ZNF556: variants seen among roughly 807,000 people sequenced by gnomAD.
ZNF556 encodes zinc finger protein 556.
A neutral mutation model predicts 13.6 loss-of-function variants in ZNF556; 11 were observed. The ratio of observed to expected loss-of-function variants is 0.81; its 90% CI spans 0.51 to 1.33. The LOEUF is 1.33. ZNF556 is among the 40% of genes most tolerant of loss of function. ZNF556 has a pLI of 0.00. For missense variants in ZNF556, 633 were observed against 566.2 expected, an observed-to-expected ratio of 1.12 and a Z score of -1.20; for synonymous variants, 229 against 207.8, an observed-to-expected ratio of 1.10 and a Z score of -0.88.
At chr19:2,874,693 G>C (rs1036302460) in intron 2 of ZNF556, among the ~76,000 whole-genome samples, 2 of 140,192 alleles carry the variant, frequency 1.4e-5, no homozygotes, top group Admixed American at 1.5e-4. Flanking sequence ...GCAGTGAGTC[G>C]AGATTGTATC....
At position 2,879,783 on chromosome 19, in the gene ZNF556, C is replaced by G. The variant is rs1284664676; in HGVS notation, c.*1454C>G. ...CGGTGACTCACGCCTGTAATCCCAG[C>G]ACTTTGGGAGGCTGAGGTGGGCGGA... On this transcript the variant is annotated 3_prime_UTR_variant, in exon 4 of 4. Transcript: ENST00000307635. 1.3e-5 allele frequency: 2 copies of G among 152,032 alleles called. No homozygotes were observed. Among genetic ancestry groups the G allele is most frequent in the African/African-American group, 4.8e-5 (2 of 41,364 alleles). 9.4% of individuals were successfully genotyped at this position (152,032 alleles called of 1,614,324 possible).
Position 2,880,834 on chromosome 19 carries a change from T to C in ZNF556, c.*2505T>C, listed in dbSNP as rs1482913864. On this transcript the variant is annotated 3_prime_UTR_variant, in exon 4 of 4. Transcript: ENST00000307635. ...ATTTAGACATTTTCTTTCTAGTACATTTGTTTCCTATACTGTTATAATTTT... is the reference window on the plus strand; with the variant it reads ...ATTTAGACATTTTCTTTCTAGTACACTTGTTTCCTATACTGTTATAATTTT... The C allele has an allele frequency of 6.6e-6, 1 of 152,044 alleles. No homozygotes were observed. Among genetic ancestry groups the C allele is most frequent in the Non-Finnish European group, 1.5e-5 (1 of 68,010 alleles). The allele number at this position is 152,044 out of a possible 1,614,324, so 9.4% of individuals were successfully genotyped here.
At position 2,878,255 on chromosome 19, in the gene ZNF556, G is replaced by C. The variant is rs1167330863; in HGVS notation, c.1297G>C (p.Ala433Pro). The C allele has an allele frequency of 1.8e-5, 29 of 1,614,094 alleles. No individual in the cohort carries two copies. The highest frequency in any genetic ancestry group is 3.3e-5 in the Admixed American group (2 of 60,004). Reference protein sequence around the residue: ...KPSKCEKCGKAFSCPKAFQGH... With the variant: ...KPSKCEKCGKPFSCPKAFQGH... ...CAGTAAATGCGAAAAATGTGGGAAA[G>C]CTTTCAGTTGTCCCAAAGCCTTTCA... The change falls in exon 4 of 4, where the codon GCT becomes CCT. Residue 433 changes from alanine (A) to proline (P), a missense_variant. Coordinates refer to ENST00000307635, the MANE Select transcript of ZNF556 (RefSeq NM_024967.3).
chr19:2,868,402 T>C (rs566893993), intron 1 of ZNF556, among the ~76,000 whole-genome samples: 1 of 152,338 alleles, frequency 6.6e-6, no homozygotes, highest in East Asian at 1.9e-4. Context: ...ATGATAATTC[T>C]GTTCTTTTAT....
At chr19:2,874,647 G>C (rs188730172) in intron 2 of ZNF556, among the ~76,000 whole-genome samples, 7 of 151,160 alleles carry the variant, frequency 4.6e-5, no homozygotes, top group African/African-American at 1.7e-4. Context: ...GGGAGGCTGA[G>C]GCAGCAGAAT....
chr19:2,874,118 A>G (rs915354840), intron 2 of ZNF556, among the ~76,000 whole-genome samples: 16 of 150,746 alleles, frequency 1.1e-4, no homozygotes, highest in Non-Finnish European at 1.6e-4. Flanking sequence ...TTAGCTGGGC[A>G]TGGTGGTGCG....
intron 2 of ZNF556, among the ~76,000 whole-genome samples, chr19:2,874,780 AAAAG>A (rs1568353439): frequency 6.6e-6 from 1 of 150,516 alleles, no homozygotes; most frequent in Non-Finnish European, 1.5e-5. Context: ...GAAAGAAAGA[AAAAG>A]AAAAGACTTA....
chr19:2,872,823 A>C (rs372876427), intron 1 of ZNF556, among the ~76,000 whole-genome samples: 2 of 151,132 alleles, frequency 1.3e-5, no homozygotes, highest in South Asian at 2.1e-4. Flanking sequence ...CATCTCAAAA[A>C]AAAAAAAAAA....
At position 2,881,257 on chromosome 19, in the gene ZNF556, G is replaced by T. The variant is rs1187851570; in HGVS notation, c.*2928G>T. 1 of 152,172 alleles carries T rather than the reference G, an allele frequency of 6.6e-6. No homozygotes were observed. Among genetic ancestry groups the T allele is most frequent in the Non-Finnish European group, 1.5e-5 (1 of 68,024 alleles). 9.4% of individuals were successfully genotyped at this position (152,172 alleles called of 1,614,324 possible). On this transcript the variant is annotated 3_prime_UTR_variant, in exon 4 of 4. Coordinates refer to ENST00000307635, the MANE Select transcript of ZNF556 (RefSeq NM_024967.3). ...ATAAGTCTAGCAAAAGACATAAAAA[G>T]ATAACTAATAAAACAAGTTTAAACT...
In ZNF556 at chr19:2,878,025, G is replaced by A. The variant is rs746710684; in HGVS notation, c.1067G>A (p.Arg356His). The A allele has an allele frequency of 6.7e-5, 108 of 1,613,874 alleles. No individual in the cohort carries two copies. Among genetic ancestry groups the A allele is most frequent in the Non-Finnish European group, 7.9e-5 (93 of 1,179,962 alleles). Residue 356 changes from arginine (R) to histidine (H), a missense_variant, in exon 4 of 4, where the codon CGC becomes CAC. Coordinates refer to ENST00000307635, the MANE Select transcript of ZNF556 (RefSeq NM_024967.3). ...GSVGKSSARP[R>H]PSTDVKSQTR... Reference sequence around the variant, plus strand: ...GTGGGAAAGTCTTCCGCGAGGCCTCGCCCCTCCACAGATGTCAAATCACAA... The same window carrying A: ...GTGGGAAAGTCTTCCGCGAGGCCTCACCCCTCCACAGATGTCAAATCACAA...
chr19:2,876,646 C>T (rs547716800), intron 3 of ZNF556, among the ~76,000 whole-genome samples: 8 of 151,552 alleles, frequency 5.3e-5, no homozygotes, highest in Middle Eastern at 3.4e-3. Context: ...ACCCAGGAGG[C>T]GGAGGTTGCA....
intron 1 of ZNF556, among the ~76,000 whole-genome samples, chr19:2,870,619 C>T (rs548202800): frequency 3.7e-4 from 56 of 151,994 alleles, no homozygotes; most frequent in Admixed American, 2.2e-3. Flanking sequence ...TGGTGGCACA[C>T]GCCTGTAATC....
chr19:2,879,944 G>C lies in ZNF556; in HGVS notation c.*1615G>C, dbSNP rs1002329093. ...ACTCGGGAGGCTGAGGCAGGAGGAT[G>C]GCGTGAACCTGGGAGGCGAAGCTTG... On this transcript the variant is annotated 3_prime_UTR_variant, in exon 4 of 4. Coordinates refer to ENST00000307635, the MANE Select transcript of ZNF556 (RefSeq NM_024967.3). 6.6e-6 allele frequency: 1 copy of C among 152,096 alleles called. No individual in the cohort carries two copies. The highest frequency in any genetic ancestry group is 1.5e-5 in the Non-Finnish European group (1 of 68,050). 9.4% of individuals were successfully genotyped at this position (152,096 alleles called of 1,614,324 possible).
At chr19:2,870,442 A>T (rs1318297070) in intron 1 of ZNF556, among the ~76,000 whole-genome samples, 2 of 150,506 alleles carry the variant, frequency 1.3e-5, no homozygotes, top group Non-Finnish European at 2.9e-5. Flanking sequence ...GCAGAGTGAG[A>T]CCTTGTCTCT....
chr19:2,874,281 A>C (rs992747207), intron 2 of ZNF556, among the ~76,000 whole-genome samples: 1 of 151,762 alleles, frequency 6.6e-6, no homozygotes, highest in Non-Finnish European at 1.5e-5. Context: ...TAAATAAATA[A>C]ATATTTCTTG....
Position 2,867,409 on chromosome 19 carries a change from G to A in ZNF556, c.-13G>A, listed in dbSNP as rs777244142. On this transcript the variant is annotated 5_prime_UTR_variant, in exon 1 of 4. Transcript: ENST00000307635. ...GCAGGGAGCTCCTCAAAGAGCTCAG[G>A]AACGGACAGGACATGGTGAGTGCAG... is the stretch of plus-strand genomic sequence containing the variant. 75 of 1,583,398 alleles carry A rather than the reference G, an allele frequency of 4.7e-5. No homozygotes were observed. Among genetic ancestry groups the A allele is most frequent in the Non-Finnish European group, 4.4e-5 (51 of 1,166,214 alleles).
rs1335014587 is a variant in ZNF556 at position 2,877,291 on chromosome 19, G to C, written c.333G>C (p.Glu111Asp). The change falls in exon 4 of 4, where the codon GAG (glutamate) becomes GAC (aspartate). Residue 111 changes from glutamate to aspartate, a missense_variant. Glu to Asp is a conservative substitution (Grantham distance 45). Coordinates refer to ENST00000307635, the MANE Select transcript of ZNF556 (RefSeq NM_024967.3). ...TTTTTAGCAGAAATCCAAGGGTGGA[G>C]AGACCATGTAAAAGCAGTAAAGGTA... ...ERHLSRNPRV[E>D]RPCKSSKGNK... The C allele has an allele frequency of 6.2e-7, 1 of 1,611,328 alleles. No homozygotes were observed. Among genetic ancestry groups the C allele is most frequent in the African/African-American group, 1.3e-5 (1 of 74,930 alleles).
At chr19:2,875,834 C>G (rs1159977714) in intron 2 of ZNF556, among the ~76,000 whole-genome samples, 1 of 151,962 alleles carries the variant, frequency 6.6e-6, no homozygotes, top group Admixed American at 6.6e-5. Flanking sequence ...CATGGTGGCA[C>G]GCACCTGTAA....
At chr19:2,875,888 C>T (rs1280293838) in intron 2 of ZNF556, among the ~76,000 whole-genome samples, 3 of 152,018 alleles carry the variant, frequency 2.0e-5, no homozygotes, top group Admixed American at 1.3e-4. Context: ...CGCTTGAACC[C>T]GGGAGGCAGA....
Sources: gnomAD v4.1 joint callset for allele counts (sites outside exome capture counted in the v4.1 genomes callset) on GRCh38, gnomAD v4.1.1 for gene constraint, MANE v1.5 for transcripts, NCBI Gene and HGNC (gene_info 2026-07-23, HGNC 2026-07-21) for gene names.